The following CNTLN variants were observed in gnomAD, a reference collection of about 807,000 sequenced individuals.
CNTLN encodes centlein.
Under a neutral mutation model 180.0 loss-of-function variants are expected in CNTLN, and 212 were observed. The observed-to-expected ratio is 1.18, with a 90% CI of 1.05 to 1.32. CNTLN has a LOEUF of 1.32. CNTLN is among the 40% of genes most tolerant of loss of function. CNTLN has a pLI of 0.00. For missense variants in CNTLN, 2,095 were observed against 1,610.9 expected (o/e 1.30, Z -5.14); for synonymous variants, 722 against 563.1 (o/e 1.28, Z -3.99).
chr9:17,469,848 T>C (rs1266663071), intron 23 of CNTLN, among the ~76,000 whole-genome samples: 1 of 151,960 alleles, frequency 6.6e-6, no homozygotes, highest in African/African-American at 2.4e-5. Flanking sequence ...ATTTACTGGC[T>C]CTCTGACTTC....
At chr9:17,144,079 A>C (rs1818285425) in intron 2 of CNTLN, among the ~76,000 whole-genome samples, 1 of 152,166 alleles carries the variant, frequency 6.6e-6, no homozygotes, top group Non-Finnish European at 1.5e-5. Flanking sequence ...TTCCTTTTTT[A>C]AAAATTGGAA....
At chr9:17,484,847 A>G (rs1210923300) in intron 24 of CNTLN, among the ~76,000 whole-genome samples, 3 of 152,048 alleles carry the variant, frequency 2.0e-5, no homozygotes, top group African/African-American at 7.2e-5. Context: ...ATTGATTTGA[A>G]GTTTTTTTCT....
At chr9:17,161,524 C>T (rs980165989) in intron 2 of CNTLN, among the ~76,000 whole-genome samples, 5 of 152,070 alleles carry the variant, frequency 3.3e-5, no homozygotes, top group African/African-American at 1.2e-4. Flanking sequence ...CATTAGGAGC[C>T]ATAAGAGCTT....
At chr9:17,434,670 C>A (rs1829654305) in intron 18 of CNTLN, among the ~76,000 whole-genome samples, 1 of 151,944 alleles carries the variant, frequency 6.6e-6, no homozygotes, top group Admixed American at 6.6e-5. Context: ...GGAACTTGAA[C>A]AAAATTACGA....
At chr9:17,360,214 A>G (rs953300260) in intron 12 of CNTLN, among the ~76,000 whole-genome samples, 4 of 152,168 alleles carry the variant, frequency 2.6e-5, no homozygotes, top group Non-Finnish European at 5.9e-5. Context: ...AGCATTATAG[A>G]AAAATGTTAT....
In CNTLN at chr9:17,275,846, A is replaced by G. The variant is rs77636231; in HGVS notation, c.983+1980A>G. 4.1e-3 allele frequency among the ~76,000 whole-genome samples: 618 copies of G among 152,248 alleles called. 32 individuals carry two copies. The East Asian group carries it at 0.1, about 25-fold the overall frequency. On this transcript the variant is annotated intron_variant, in intron 6 of 25. Coordinates refer to ENST00000380647, the MANE Select transcript of CNTLN (RefSeq NM_017738.4). ...TCTAAGAGTTTGATTATAAGGACCT[A>G]TAGAGGCATATGGCCTATGTGAATT...
At chr9:17,386,983 A>G (rs1587850066) in intron 13 of CNTLN, among the ~76,000 whole-genome samples, 1 of 152,344 alleles carries the variant, frequency 6.6e-6, no homozygotes, top group East Asian at 1.9e-4. Flanking sequence ...CTGATAGATT[A>G]TTATCAAGGT....
chr9:17,264,075 T>G (rs1452598017), intron 5 of CNTLN, among the ~76,000 whole-genome samples: 2 of 144,840 alleles, frequency 1.4e-5, no homozygotes, highest in South Asian at 4.8e-4. Flanking sequence ...ATTTTGGCTT[T>G]CGTTGCCATT....
intron 25 of CNTLN, among the ~76,000 whole-genome samples, chr9:17,490,875 C>T (rs1198765560): frequency 6.6e-6 from 1 of 151,980 alleles, no homozygotes; most frequent in African/African-American, 2.4e-5. Context: ...TCTTTAAATG[C>T]AATTGAACTT....
intron 13 of CNTLN, among the ~76,000 whole-genome samples, chr9:17,380,278 A>G (rs1441438349): frequency 6.6e-6 from 1 of 152,170 alleles, no homozygotes; most frequent in Non-Finnish European, 1.5e-5. Context: ...GGAAAAGTAT[A>G]AAGTCAGAAT....
intron 2 of CNTLN, among the ~76,000 whole-genome samples, chr9:17,214,374 A>G (rs1011810367): frequency 2.0e-5 from 3 of 152,212 alleles, no homozygotes; most frequent in Admixed American, 1.3e-4. Flanking sequence ...AGAATGTTGA[A>G]TATAGGCACC....
intron 7 of CNTLN, chr9:17,301,118 G>T: frequency 1.0e-6 from 1 of 985,370 alleles, no homozygotes; most frequent in Non-Finnish European, 1.2e-6. Context: ...ACTTTGCTGA[G>T]AAGATAAGAT....
intron 2 of CNTLN, among the ~76,000 whole-genome samples, chr9:17,154,677 A>C (rs1334086754): frequency 1.3e-5 from 2 of 152,228 alleles, no homozygotes; most frequent in African/African-American, 4.8e-5. Context: ...TAAACACACC[A>C]ATCAGTGCTC....
rs148870622 is a variant in CNTLN, at chr9:17,406,680, C to T, written c.2616-2613C>T. On this transcript the variant is annotated intron_variant, in intron 15 of 25. Coordinates refer to ENST00000380647, the MANE Select transcript of CNTLN (RefSeq NM_017738.4). ...GATTTATTGTGCTTATTGTTTTCTTCGTGGATAGACTAAATTTATTCATGG... is the reference window on the plus strand; with the variant it reads ...GATTTATTGTGCTTATTGTTTTCTTTGTGGATAGACTAAATTTATTCATGG... 3.2e-3 allele frequency among the ~76,000 whole-genome samples: 486 copies of T among 151,654 alleles called. 18 individuals are homozygous for T. The highest frequency in any genetic ancestry group is 0.011 in the African/African-American group (450 of 41,120).
At chr9:17,299,320 A>G (rs1034398441) in intron 7 of CNTLN, 1 of 267,254 alleles carries the variant, frequency 3.7e-6, no homozygotes, top group Non-Finnish European at 5.8e-6. Context: ...TATTTTAATA[A>G]ATAATGTAGT....
intron 6 of CNTLN, among the ~76,000 whole-genome samples, chr9:17,289,997 C>G (rs1829258213): frequency 6.6e-6 from 1 of 152,080 alleles, no homozygotes; most frequent in South Asian, 2.1e-4. Context: ...CTGAAGCCTT[C>G]TTCTCTCAGC....
At chr9:17,340,736 AT>A in intron 10 of CNTLN, 90 bp from the exon 11 acceptor site, 1 of 1,124,180 alleles carries the variant, frequency 8.9e-7, no homozygotes, top group Non-Finnish European at 1.2e-6. Context: ...TTTCTTTCAA[AT>A]TTCATATTTA....
At chr9:17,243,641 A>G (rs1365581838) in intron 5 of CNTLN, among the ~76,000 whole-genome samples, 1 of 151,928 alleles carries the variant, frequency 6.6e-6, no homozygotes, top group Non-Finnish European at 1.5e-5. Flanking sequence ...CTTGTTACTT[A>G]TTTCTAGTTT....
chr9:17,163,693 A>G (rs1407558932), intron 2 of CNTLN, among the ~76,000 whole-genome samples: 5 of 152,234 alleles, frequency 3.3e-5, no homozygotes, highest in African/African-American at 1.2e-4. Context: ...GGAAACTAGT[A>G]TCTTGAAGAT....
Sources: allele counts gnomAD v4.1 joint callset (sites outside exome capture counted in the v4.1 genomes callset), GRCh38; gene constraint gnomAD v4.1.1; transcripts MANE v1.5; gene names NCBI Gene and HGNC (gene_info 2026-07-23, HGNC 2026-07-21).